The following PDCD1LG2 variants were observed in gnomAD, a reference collection of about 807,000 sequenced individuals.
PDCD1LG2 encodes B7 dendritic cell molecule.
A neutral mutation model predicts 28.2 loss-of-function variants in PDCD1LG2; 32 were observed. The observed-to-expected ratio is 1.13, with a 90% CI of 0.86 to 1.52. PDCD1LG2 has a LOEUF of 1.52. Ranked by LOEUF, PDCD1LG2 falls within the 40% of genes most tolerant of loss-of-function variation. The pLI, the probability that PDCD1LG2 is intolerant of heterozygous loss-of-function variation, is 0.00. For missense variants in PDCD1LG2, 385 were observed against 323.8 expected (o/e 1.19, Z -1.45); for synonymous variants, 116 against 120.2 (o/e 0.97, Z 0.23).
chr9:5,543,266 G>C (rs1286195140), intron 3 of PDCD1LG2, among the ~76,000 whole-genome samples: 1 of 152,140 alleles, frequency 6.6e-6, no homozygotes. Flanking sequence ...TGGGCCAGGC[G>C]TGGTTGCTCA....
At chr9:5,554,770 C>A (rs59748722) in intron 4 of PDCD1LG2, among the ~76,000 whole-genome samples, 7 of 152,006 alleles carry the variant, frequency 4.6e-5, no homozygotes, top group Non-Finnish European at 1.0e-4. Flanking sequence ...TCCTAGGAGA[C>A]CTGGAGGTGA....
chr9:5,558,189 A>T (rs532892910), intron 5 of PDCD1LG2, among the ~76,000 whole-genome samples: 1 of 152,296 alleles, frequency 6.6e-6, no homozygotes, highest in South Asian at 2.1e-4. Context: ...TCTCCCAGGA[A>T]TCTCAACCTC....
intron 1 of PDCD1LG2, among the ~76,000 whole-genome samples, chr9:5,516,255 G>A (rs954382717): frequency 6.6e-6 from 1 of 152,166 alleles, no homozygotes; most frequent in Non-Finnish European, 1.5e-5. Context: ...GTTTCGCCAT[G>A]TTGGCCAGGC....
chr9:5,532,249 G>C (rs1210814758), intron 2 of PDCD1LG2, among the ~76,000 whole-genome samples: 2 of 152,212 alleles, frequency 1.3e-5, no homozygotes, highest in South Asian at 4.1e-4. Context: ...CTGCACAAAA[G>C]AATGCTGGGC....
chr9:5,569,950 C>T lies in PDCD1LG2; in HGVS notation c.817-4C>T, dbSNP rs1200282497. Reference sequence around the variant, plus strand: ...TTTTCTTATTTGTGGGCTTTTCTCCCCAGATCTGAACCTGTGGTCTTGGGA... The same window carrying T: ...TTTTCTTATTTGTGGGCTTTTCTCCTCAGATCTGAACCTGTGGTCTTGGGA... On this transcript the variant is annotated splice_polypyrimidine_tract_variant and splice_region_variant and intron_variant, in intron 6 of 6. Coordinates refer to ENST00000397747, the MANE Select transcript of PDCD1LG2 (RefSeq NM_025239.4). The surrounding 1 kb of genome is among the most constrained non-coding windows in gnomAD (Gnocchi z 4.1). 3 of 1,613,716 alleles carry T rather than the reference C, an allele frequency of 1.9e-6. No homozygotes were observed. Among genetic ancestry groups the T allele is most frequent in the Non-Finnish European group, 8.5e-7 (1 of 1,179,742 alleles).
rs556964551 is a variant in PDCD1LG2 at position 5,524,749 on chromosome 9, C to T, written c.55+2148C>T. Among the ~76,000 whole-genome samples the T allele has an allele frequency of 1.1e-3, 162 of 152,110 alleles. 1 individual carries two copies. The highest frequency in any genetic ancestry group is 3.7e-3 in the African/African-American group (155 of 41,496). ...GATAGTCTTATCTATTATGTATATT[C>T]AGGTTTTTGTTTTTTACAAGAAGCA... On this transcript the variant is annotated intron_variant, in intron 2 of 6. Transcript: ENST00000397747.
At chr9:5,537,629 A>G (rs529224367) in intron 3 of PDCD1LG2, among the ~76,000 whole-genome samples, 2 of 152,194 alleles carry the variant, frequency 1.3e-5, no homozygotes, top group Non-Finnish European at 2.9e-5. Flanking sequence ...TATCCCAAGG[A>G]CAAAAAACCA....
chr9:5,528,452 C>T (rs980442495), intron 2 of PDCD1LG2, among the ~76,000 whole-genome samples: 1 of 151,414 alleles, frequency 6.6e-6, no homozygotes, highest in African/African-American at 2.4e-5. Context: ...CAGGCCATGC[C>T]ACCATGCCTG....
intron 4 of PDCD1LG2, 21 bp from the exon 5 acceptor site, chr9:5,557,597 T>C: frequency 1.9e-6 from 3 of 1,613,744 alleles, no homozygotes; most frequent in Non-Finnish European, 1.7e-6. Context: ...AACAGGATTC[T>C]GGTGCTTTTC....
rs565570318 is a variant in PDCD1LG2 at position 5,569,493 on chromosome 9, C to T, written c.817-461C>T. On this transcript the variant is annotated intron_variant, in intron 6 of 6. Transcript: ENST00000397747. This position sits in a 1 kb window ranked among gnomAD's most constrained non-coding sequence, Gnocchi z 4.1. The stretch of plus-strand genomic sequence containing the variant: ...CCCCAACCTCTCTCTCAACCCACTG[C>T]AACACTCTTTTTCCCCTAGACTGAG... Among the ~76,000 whole-genome samples the T allele has an allele frequency of 6.6e-6, 1 of 152,308 alleles. No homozygotes were observed. Among genetic ancestry groups the T allele is most frequent in the Admixed American group, 6.5e-5 (1 of 15,304 alleles).
At chr9:5,532,730 T>A (rs895931147) in intron 2 of PDCD1LG2, among the ~76,000 whole-genome samples, 1 of 152,214 alleles carries the variant, frequency 6.6e-6, no homozygotes, top group Non-Finnish European at 1.5e-5. Flanking sequence ...TCCTGGTTAG[T>A]AAAATATCCT....
intron 3 of PDCD1LG2, among the ~76,000 whole-genome samples, chr9:5,542,381 T>A (rs973227727): frequency 2.6e-5 from 4 of 152,086 alleles, no homozygotes; most frequent in Non-Finnish European, 5.9e-5. Flanking sequence ...AAAGAAATAA[T>A]CAGCAGAGTT....
Position 5,569,377 on chromosome 9 carries a change from T to C in PDCD1LG2, c.817-577T>C. On this transcript the variant is annotated intron_variant, in intron 6 of 6. Coordinates refer to ENST00000397747, the MANE Select transcript of PDCD1LG2 (RefSeq NM_025239.4). This position sits in a 1 kb window ranked among gnomAD's most constrained non-coding sequence, Gnocchi z 4.1. ...CCCAGAACCCTAGTAAAAATGGCAA[T>C]GAGAAAGGTCCATCTGGCAGGACCT... 6.6e-6 allele frequency among the ~76,000 whole-genome samples: 1 copy of C among 151,888 alleles called. No individual in the cohort carries two copies. Among genetic ancestry groups the C allele is most frequent in the East Asian group, 1.9e-4 (1 of 5,184 alleles).
Position 5,531,548 on chromosome 9 carries a change from C to T in PDCD1LG2, c.56-3197C>T, listed in dbSNP as rs544427345. On this transcript the variant is annotated intron_variant, in intron 2 of 6. Coordinates refer to ENST00000397747, the MANE Select transcript of PDCD1LG2 (RefSeq NM_025239.4). Reference sequence around the variant, plus strand: ...TATTTTATGCCTATCACTCCTGGCACGCATTCTTACAAGGCAGACAGGAAA... The same window carrying T: ...TATTTTATGCCTATCACTCCTGGCATGCATTCTTACAAGGCAGACAGGAAA... 6.6e-5 allele frequency among the ~76,000 whole-genome samples: 10 copies of T among 152,274 alleles called. No homozygotes were observed. The East Asian group carries it at 7.7e-4, about 12-fold the overall frequency.
At chr9:5,538,512 T>C (rs10975170) in intron 3 of PDCD1LG2, among the ~76,000 whole-genome samples, 11,977 of 151,314 alleles carry the variant, frequency 0.079, 1,533 homozygotes, top group African/African-American at 0.27. Context: ...GGTGAAACCC[T>C]GTCTCTACTA....
chr9:5,514,516 C>T (rs1820118620), intron 1 of PDCD1LG2, among the ~76,000 whole-genome samples: 1 of 152,010 alleles, frequency 6.6e-6, no homozygotes, highest in African/African-American at 2.4e-5. Context: ...CAGATGTTTC[C>T]TTGATTTCTC....
chr9:5,560,360 G>A (rs1379110528), intron 5 of PDCD1LG2, among the ~76,000 whole-genome samples: 1 of 152,228 alleles, frequency 6.6e-6, no homozygotes, highest in African/African-American at 2.4e-5. Flanking sequence ...GTCCTCCAGA[G>A]GGCCCTGGTT....
intron 2 of PDCD1LG2, among the ~76,000 whole-genome samples, chr9:5,525,920 G>A (rs576755188): frequency 1.9e-4 from 29 of 152,156 alleles, no homozygotes; most frequent in African/African-American, 7.0e-4. Context: ...GGTGGCACAA[G>A]CCTGTAATCC....
intron 3 of PDCD1LG2, among the ~76,000 whole-genome samples, chr9:5,544,744 C>CTTG (rs199840964): frequency 0.32 from 47,844 of 151,750 alleles, 7,788 homozygotes; most frequent in African/African-American, 0.4. Flanking sequence ...CTGATGGCCT[C>CTTG]AGTCAACTTG....
Sources: gnomAD v4.1 joint callset for allele counts (sites outside exome capture counted in the v4.1 genomes callset) on GRCh38, gnomAD v4.1.1 for gene constraint, Gnocchi (gnomAD v3.1) non-coding constraint, MANE v1.5 for transcripts, NCBI Gene and HGNC (gene_info 2026-07-23, HGNC 2026-07-21) for gene names.